Variants in NDUFA10 observed in about 807,000 individuals in gnomAD.
NDUFA10 encodes the protein NADH dehydrogenase [ubiquinone] 1 alpha subcomplex subunit 10, mitochondrial.
NDUFA10 carries 40 observed loss-of-function variants against 47.8 expected under a neutral mutation model. That is an observed-to-expected ratio of 0.84 (90% CI 0.65 to 1.09). NDUFA10 has a LOEUF of 1.09. Ranked by LOEUF, NDUFA10 falls within the 50% of genes least tolerant of loss-of-function variation. The pLI is 0.00. For missense variants in NDUFA10, 413 were observed against 451.1 expected (o/e 0.92, Z 0.76); for synonymous variants, 183 against 172.2 (o/e 1.06, Z -0.49).
At chr2:239,919,921 G>A (rs1693940264) in intron 4 of NDUFA10, among the ~76,000 whole-genome samples, 1 of 152,188 alleles carries the variant, frequency 6.6e-6, no homozygotes, top group African/African-American at 2.4e-5. Context: ...TGGTGCCCCT[G>A]CCTACGCCAG....
At chr2:239,919,908 G>T (rs138865630) in intron 4 of NDUFA10, among the ~76,000 whole-genome samples, 2 of 152,152 alleles carry the variant, frequency 1.3e-5, no homozygotes, top group Non-Finnish European at 2.9e-5. Flanking sequence ...GAGGCAAGGA[G>T]GCTGGTGCCC....
chr2:240,005,229 A>G lies in NDUFA10; in HGVS notation c.871T>C (p.Leu291=). 1 of 1,614,092 alleles carries G rather than the reference A, an allele frequency of 6.2e-7. No individual in the cohort carries two copies. Among genetic ancestry groups the G allele is most frequent in the Non-Finnish European group, 8.5e-7 (1 of 1,179,960 alleles). Reference sequence around the variant, plus strand: ...ACTTACAGTAATCGCAGGTGGTATAAAGTGCGATTGTCCTGCTTGAGCCAC... The same window carrying G: ...ACTTACAGTAATCGCAGGTGGTATAGAGTGCGATTGTCCTGCTTGAGCCAC... ...GPWLKQDNRT[L]YHLRLLVQDK... is the part of the protein sequence containing the mutation. The change falls in exon 8 of 10, where the codon TTA becomes CTA. Residue 291 remains leucine, a synonymous_variant. Coordinates refer to ENST00000252711, the MANE Select transcript of NDUFA10 (RefSeq NM_004544.4).
At chr2:239,995,012 T>C (rs187938243) in intron 8 of NDUFA10, among the ~76,000 whole-genome samples, 4 of 152,172 alleles carry the variant, frequency 2.6e-5, no homozygotes, top group Admixed American at 2.0e-4. Context: ...CGGCGACTCA[T>C]GTCTGTAATC....
intron 5 of NDUFA10, chr2:240,013,716 C>T (rs538945906): frequency 1.3e-5 from 2 of 152,302 alleles, no homozygotes; most frequent in South Asian, 4.1e-4. Context: ...ATAACCAGAG[C>T]TTTACTGTTG....
Position 240,017,729 on chromosome 2 carries a change from C to T in NDUFA10, c.547+824G>A, listed in dbSNP as rs58324096. ...GAAGCACGGGCTTGCAGTGCTCTTGCGGGCGGCAAGCTCACAGGTGGAGTA... is the reference window on the plus strand; with the variant it reads ...GAAGCACGGGCTTGCAGTGCTCTTGTGGGCGGCAAGCTCACAGGTGGAGTA... On this transcript the variant is annotated intron_variant, in intron 4 of 9. Transcript: ENST00000252711. 3.4e-3 allele frequency: 3,658 copies of T among 1,083,486 alleles called. 59 individuals are homozygous for T. The African/African-American group carries it at 0.042, about 12-fold the overall frequency. 67.1% of individuals were successfully genotyped at this position (1,083,486 alleles called of 1,614,324 possible).
chr2:240,020,862 C>T (rs919096951), intron 3 of NDUFA10, among the ~76,000 whole-genome samples: 1 of 152,176 alleles, frequency 6.6e-6, no homozygotes, highest in Non-Finnish European at 1.5e-5. Flanking sequence ...AGTGTGATCC[C>T]GTTTCCTCCT....
chr2:239,911,390 C>T (rs1056998496), intron 4 of NDUFA10, among the ~76,000 whole-genome samples: 6 of 152,202 alleles, frequency 3.9e-5, no homozygotes, highest in African/African-American at 1.4e-4. Context: ...CTGCCACCAG[C>T]TCTGCAAACC....
At chr2:239,908,460 G>A (rs1693694512) in intron 4 of NDUFA10, among the ~76,000 whole-genome samples, 1 of 152,142 alleles carries the variant, frequency 6.6e-6, no homozygotes, top group African/African-American at 2.4e-5. Flanking sequence ...TGGGCACGGT[G>A]CTCCCAGACT....
At chr2:239,926,010 T>C (rs563449969) in intron 4 of NDUFA10, among the ~76,000 whole-genome samples, 1 of 152,324 alleles carries the variant, frequency 6.6e-6, no homozygotes, top group East Asian at 1.9e-4. Context: ...CTGACGAGGA[T>C]GCTGAGAGAT....
At chr2:239,956,542 G>A (rs950746362), downstream of NDUFA10, among the ~76,000 whole-genome samples, 16 of 152,230 alleles carry the variant, frequency 1.1e-4, no homozygotes, top group Non-Finnish European at 2.2e-4. Flanking sequence ...AAAGCCTCCC[G>A]TGCTTGGAGG....
chr2:239,952,467 G>A (rs953580147), downstream of NDUFA10, among the ~76,000 whole-genome samples: 3 of 152,294 alleles, frequency 2.0e-5, no homozygotes, highest in African/African-American at 7.2e-5. Context: ...CTTGGCAGCC[G>A]GTGGGCACTC....
At position 239,984,036 on chromosome 2, in the gene NDUFA10, C is replaced by G. The variant is rs377454976; in HGVS notation, c.999+6038G>C. Among the ~76,000 whole-genome samples the G allele has an allele frequency of 3.3e-5, 5 of 152,140 alleles. No homozygotes were observed. The East Asian group carries it at 9.7e-4, about 29-fold the overall frequency. The stretch of plus-strand genomic sequence containing the variant: ...TCACTTGAGGTCAGGAGTTTGAGAC[C>G]AGCCTGGCCATGATGGTGCAACCCC... On this transcript the variant is annotated intron_variant, in intron 9 of 9. Coordinates refer to ENST00000252711, the MANE Select transcript of NDUFA10 (RefSeq NM_004544.4).
chr2:239,990,697 G>A (rs1255329798), intron 8 of NDUFA10, among the ~76,000 whole-genome samples: 11 of 152,270 alleles, frequency 7.2e-5, no homozygotes, highest in Non-Finnish European at 1.0e-4. Context: ...ATGGTCTGTT[G>A]TACCACGGCT....
At chr2:239,980,790 C>T (rs201068645) in intron 9 of NDUFA10, among the ~76,000 whole-genome samples, 4 of 152,300 alleles carry the variant, frequency 2.6e-5, no homozygotes, top group African/African-American at 7.2e-5. Flanking sequence ...GCGGTGCCCT[C>T]GGGACGCCCA....
At chr2:239,895,090 G>A (rs1693366868) in intron 5 of NDUFA10, 1 of 260,812 alleles carries the variant, frequency 3.8e-6, no homozygotes, top group East Asian at 1.3e-4. Context: ...GCCCTGTAGA[G>A]AAGAATCTTG....
rs377326719 is a variant in NDUFA10 at position 240,002,270 on chromosome 2, C to T, written c.890+2940G>A. On this transcript the variant is annotated intron_variant, in intron 8 of 9. Coordinates refer to ENST00000252711, the MANE Select transcript of NDUFA10 (RefSeq NM_004544.4). ...CGCCTGAACCAGGAGGCAGAGGTTG[C>T]AGTGAGCTGAGATTGCGCCACTGCA... Among the ~76,000 whole-genome samples, 76 of 138,020 alleles carry T rather than the reference C, an allele frequency of 5.5e-4. No homozygotes were observed. In the East Asian group the frequency reaches 0.015, roughly 27 times the overall value. The allele number at this position is 138,020 out of a possible 152,430, so 90.5% of individuals were successfully genotyped here.
chr2:240,006,663 C>T (rs767893381), intron 7 of NDUFA10, among the ~76,000 whole-genome samples: 2 of 152,154 alleles, frequency 1.3e-5, no homozygotes, highest in Admixed American at 1.3e-4. Context: ...TGCCTCAGTA[C>T]CATTTAGGAA....
intron 6 of NDUFA10, among the ~76,000 whole-genome samples, chr2:240,009,645 A>C (rs1484740838): frequency 6.6e-6 from 1 of 152,224 alleles, no homozygotes; most frequent in Non-Finnish European, 1.5e-5. Context: ...TGACAGAGAG[A>C]AGGGCTAACA....
At chr2:240,003,050 A>G (rs975455497) in intron 8 of NDUFA10, among the ~76,000 whole-genome samples, 1 of 152,112 alleles carries the variant, frequency 6.6e-6, no homozygotes, top group African/African-American at 2.4e-5. Context: ...GGGTCTCACT[A>G]TATTGCCCAG....
Sources: allele counts gnomAD v4.1 joint callset (sites outside exome capture counted in the v4.1 genomes callset), GRCh38; gene constraint gnomAD v4.1.1; transcripts MANE v1.5; gene names NCBI Gene and HGNC (gene_info 2026-07-23, HGNC 2026-07-21).